SEC22C: variants seen among roughly 807,000 people sequenced by gnomAD.
The protein encoded by SEC22C is SEC22 homolog C, vesicle trafficking protein.
Under a neutral mutation model 34.7 loss-of-function variants are expected in SEC22C, and 29 were observed. The ratio of observed to expected loss-of-function variants is 0.84; its 90% CI spans 0.62 to 1.14. SEC22C has a LOEUF of 1.14. Among genes scored for constraint, SEC22C ranks in the 50% most tolerant of loss-of-function variants. SEC22C has a pLI of 0.00. For missense variants in SEC22C, 337 were observed against 369.0 expected (o/e 0.91, Z 0.71); for synonymous variants, 117 against 132.8 (o/e 0.88, Z 0.82).
rs566615443 is a variant in SEC22C, at chr3:42,562,603, G to T, written c.346+920C>A. On this transcript the variant is annotated intron_variant, in intron 3 of 6. Coordinates refer to ENST00000264454, the MANE Select transcript of SEC22C (RefSeq NM_032970.4). Reference sequence around the variant, plus strand: ...TAAGTGGCAACACTTCCAGGTGCTGGTTCTGCCCCCTGACCATTTATAACA... The same window carrying T: ...TAAGTGGCAACACTTCCAGGTGCTGTTTCTGCCCCCTGACCATTTATAACA... Among the ~76,000 whole-genome samples, 44 of 152,296 alleles carry T rather than the reference G, an allele frequency of 2.9e-4. 1 individual carries two copies. Among genetic ancestry groups the T allele is most frequent in the African/African-American group, 7.9e-4 (33 of 41,562 alleles).
Position 42,553,318 on chromosome 3 carries a change from ACTCCTATGT to A in SEC22C, c.833_841del (p.His278_Val281delinsLeu). 1 of 1,613,974 alleles carries A rather than the reference ACTCCTATGT, an allele frequency of 6.2e-7. No individual in the cohort carries two copies. Among genetic ancestry groups the A allele is most frequent in the Non-Finnish European group, 8.5e-7 (1 of 1,179,986 alleles). Reference sequence around the variant, plus strand: ...TATCTGATATGAAGACAGAAAAGCCACTCCTATGTGGAAAAGGATTTGCCAGAGGTTCCT... The same window carrying A: ...TATCTGATATGAAGACAGAAAAGCCAGGAAAAGGATTTGCCAGAGGTTCCT... On this transcript the variant is annotated inframe_deletion, in exon 7 of 7. Transcript: ENST00000264454.
At chr3:42,569,349 G>A (rs1184016752) in intron 1 of SEC22C, among the ~76,000 whole-genome samples, 1 of 152,150 alleles carries the variant, frequency 6.6e-6, no homozygotes, top group African/African-American at 2.4e-5. Context: ...GGATGATGGG[G>A]AAAGGAATAG....
At position 42,550,041 on chromosome 3, in the gene SEC22C, G is replaced by A; in HGVS notation, c.*3207C>T. The A allele has an allele frequency of 1.0e-6, 1 of 985,404 alleles. No homozygotes were observed. Among genetic ancestry groups the A allele is most frequent in the Non-Finnish European group, 1.2e-6 (1 of 829,940 alleles). The allele number at this position is 985,404 out of a possible 1,614,324, so 61.0% of individuals were successfully genotyped here. On this transcript the variant is annotated 3_prime_UTR_variant, in exon 7 of 7. Coordinates refer to ENST00000264454, the MANE Select transcript of SEC22C (RefSeq NM_032970.4). ...ATCACAGTAAGACTAGCCTAACAGG[G>A]GAAAACAGATTTACATGTTTCGTTC...
intron 1 of SEC22C, among the ~76,000 whole-genome samples, chr3:42,598,021 C>A (rs563116000): frequency 1.2e-4 from 19 of 152,132 alleles, no homozygotes; most frequent in Non-Finnish European, 1.8e-4. Flanking sequence ...TATGGTAATT[C>A]CTGGAAAAAT....
At chr3:42,583,293 A>G (rs1177842538), upstream of SEC22C, among the ~76,000 whole-genome samples, 2 of 152,196 alleles carry the variant, frequency 1.3e-5, no homozygotes, top group Non-Finnish European at 2.9e-5. Context: ...AGTGTGGACT[A>G]GGGTGAGAGT....
At position 42,548,781 on chromosome 3, in the gene SEC22C, G is replaced by A. The variant is rs771618089; in HGVS notation, c.*4467C>T. ...TGAAAAAAATGAGGTTTACACTGTA[G>A]TATAACAAAATGCCTTTTTGTAAAG... On this transcript the variant is annotated 3_prime_UTR_variant, in exon 7 of 7. Transcript: ENST00000264454. The A allele has an allele frequency of 1.8e-5, 28 of 1,523,582 alleles. No individual in the cohort carries two copies. The highest frequency in any genetic ancestry group is 2.5e-5 in the Non-Finnish European group (28 of 1,131,316). The allele number at this position is 1,523,582 out of a possible 1,614,324, so 94.4% of individuals were successfully genotyped here. A position where few individuals can be genotyped will look rare whatever the true frequency, so the allele number is the denominator to read the frequency against.
Position 42,549,229 on chromosome 3 carries a change from G to A in SEC22C, c.*4019C>T. 1.0e-6 allele frequency: 1 copy of A among 986,412 alleles called. No homozygotes were observed. The highest frequency in any genetic ancestry group is 1.2e-6 in the Non-Finnish European group (1 of 830,614). 61.1% of individuals were successfully genotyped at this position (986,412 alleles called of 1,614,324 possible). On this transcript the variant is annotated 3_prime_UTR_variant, in exon 7 of 7. Coordinates refer to ENST00000264454, the MANE Select transcript of SEC22C (RefSeq NM_032970.4). ...GGAATGTGAGCAATGTCTGAACAGG[G>A]GCTTGCCAGGCACATCTGATCACCA...
chr3:42,587,399 A>AT (rs943534865), intron 1 of SEC22C: 18 of 150,358 alleles, frequency 1.2e-4, no homozygotes, highest in South Asian at 4.2e-4. Flanking sequence ...ACACCATCTC[A>AT]TTTTTTTTTA....
rs190027462 is a variant in SEC22C at position 42,577,647 on chromosome 3, G to A, written c.-28+4199C>T. On this transcript the variant is annotated intron_variant, in intron 1 of 6. Coordinates refer to ENST00000264454, the MANE Select transcript of SEC22C (RefSeq NM_032970.4). ...CATGGAGACAAACTGGATCTCTCAT[G>A]CATTACTGGACTGTAAAATGGTATA... is the stretch of plus-strand genomic sequence containing the variant. Among the ~76,000 whole-genome samples the A allele has an allele frequency of 4.4e-4, 67 of 152,294 alleles. 1 individual carries two copies. The highest frequency in any genetic ancestry group is 7.2e-4 in the Admixed American group (11 of 15,292).
intron 1 of SEC22C, among the ~76,000 whole-genome samples, chr3:42,592,672 T>G (rs993927897): frequency 6.6e-6 from 1 of 152,208 alleles, no homozygotes; most frequent in South Asian, 2.1e-4. Context: ...ATTTGGTAAT[T>G]TGATTTTTAA....
At chr3:42,561,644 C>T (rs1297484082) in intron 3 of SEC22C, among the ~76,000 whole-genome samples, 1 of 152,224 alleles carries the variant, frequency 6.6e-6, no homozygotes, top group African/African-American at 2.4e-5. Flanking sequence ...CTGCCTCAGC[C>T]TCCCAGAGTG....
At chr3:42,563,729 C>G (rs1265798402) in intron 2 of SEC22C, 43 bp from the exon 3 acceptor site, 1 of 1,611,306 alleles carries the variant, frequency 6.2e-7, no homozygotes, top group Admixed American at 1.7e-5. Flanking sequence ...GAAACAGCCC[C>G]ATGTATTCCC....
upstream of SEC22C, among the ~76,000 whole-genome samples, chr3:42,583,342 G>A (rs149135228): frequency 6.6e-5 from 10 of 152,298 alleles, no homozygotes; most frequent in African/African-American, 2.2e-4. Context: ...GAGAAATGTA[G>A]GAGCAAAATC....
intron 1 of SEC22C, chr3:42,594,552 AG>A: frequency 3.3e-6 from 5 of 1,534,146 alleles, no homozygotes; most frequent in Non-Finnish European, 3.6e-6. Flanking sequence ...GGCTGTCGTG[AG>A]GAGTAATTGA....
chr3:42,581,235 T>C (rs904946017), intron 1 of SEC22C: 1 of 152,258 alleles, frequency 6.6e-6, no homozygotes, highest in African/African-American at 2.4e-5. Context: ...GCTGTATTTT[T>C]TTCTGACCAT....
chr3:42,596,769 C>T (rs13064311), intron 1 of SEC22C, among the ~76,000 whole-genome samples: 24,847 of 152,196 alleles, frequency 0.16, 2,549 homozygotes, highest in East Asian at 0.47. Context: ...ATTTATTTTA[C>T]AGATGAAGAA....
At chr3:42,593,487 T>G (rs535687047) in intron 1 of SEC22C, among the ~76,000 whole-genome samples, 18 of 152,262 alleles carry the variant, frequency 1.2e-4, no homozygotes, top group African/African-American at 4.3e-4. Flanking sequence ...CTATGCCATT[T>G]TTTATAAGGG....
At chr3:42,594,088 T>G (rs1340252240) in intron 1 of SEC22C, among the ~76,000 whole-genome samples, 1 of 152,200 alleles carries the variant, frequency 6.6e-6, no homozygotes, top group Non-Finnish European at 1.5e-5. Flanking sequence ...AGGTTTTGAA[T>G]AGACATATAA....
At chr3:42,578,650 A>G (rs1014696618) in intron 1 of SEC22C, among the ~76,000 whole-genome samples, 1 of 152,188 alleles carries the variant, frequency 6.6e-6, no homozygotes, top group Admixed American at 6.5e-5. Context: ...AACTAGGTGA[A>G]GGGTACATGA....
Sources: gnomAD v4.1 joint callset for allele counts (sites outside exome capture counted in the v4.1 genomes callset) on GRCh38, gnomAD v4.1.1 for gene constraint, MANE v1.5 for transcripts, NCBI Gene and HGNC (gene_info 2026-07-23, HGNC 2026-07-21) for gene names.